The following ASIC5 variants were observed in gnomAD, a reference collection of about 807,000 sequenced individuals.
ASIC5 encodes bile acid-sensitive ion channel.
In ASIC5, 52 loss-of-function variants were observed where a neutral mutation model predicts 51.2. The ratio of observed to expected loss-of-function variants is 1.02; its 90% CI spans 0.81 to 1.28. ASIC5 has a LOEUF of 1.28. Ranked by LOEUF, ASIC5 falls within the 50% of genes most tolerant of loss-of-function variation. The pLI is 0.00. For synonymous variants in ASIC5, 231 were observed against 200.7 expected (o/e 1.15, Z -1.28); for missense variants, 635 against 595.0 (o/e 1.07, Z -0.70).
chr4:155,830,591 T>C (rs1740851471), intron 9 of ASIC5, among the ~76,000 whole-genome samples: 1 of 152,226 alleles, frequency 6.6e-6, no homozygotes, highest in South Asian at 2.1e-4. Flanking sequence ...TGGTAAAATA[T>C]ATATACCCTA....
rs1345449180 is a variant in ASIC5 at position 155,857,735 on chromosome 4, C to T, written c.348-3421G>A. Among the ~76,000 whole-genome samples, 3 of 151,968 alleles carry T rather than the reference C, an allele frequency of 2.0e-5. No homozygotes were observed. The East Asian group carries it at 5.8e-4, about 29-fold the overall frequency. On this transcript the variant is annotated intron_variant, in intron 2 of 9. Transcript: ENST00000537611. ...TTATTTGAGTCCTGCCAAAACAGAT[C>T]CATTTCTCGTACATTTTACAGATGA...
intron 6 of ASIC5, among the ~76,000 whole-genome samples, chr4:155,841,297 GAATACA>G (rs1439731067): frequency 6.6e-6 from 1 of 152,118 alleles, no homozygotes; most frequent in Admixed American, 6.6e-5. Flanking sequence ...TAAGAGACCT[GAATACA>G]AATATCTGAC....
chr4:155,842,972 T>G (rs1252297663), intron 5 of ASIC5, among the ~76,000 whole-genome samples: 2 of 152,114 alleles, frequency 1.3e-5, no homozygotes, highest in Non-Finnish European at 2.9e-5. Context: ...GCCAGGCTCC[T>G]CCCCACTGCA....
intron 8 of ASIC5, among the ~76,000 whole-genome samples, chr4:155,835,069 C>T (rs1740946882): frequency 6.6e-6 from 1 of 152,204 alleles, no homozygotes; most frequent in Non-Finnish European, 1.5e-5. Context: ...TAATCCAGTT[C>T]TTCTGGGACA....
intron 9 of ASIC5, 73 bp from the exon 10 acceptor site, chr4:155,830,119 G>T (rs891770270): frequency 1.9e-6 from 2 of 1,070,830 alleles, no homozygotes; most frequent in Non-Finnish European, 1.3e-6. Context: ...AGTTAAATTA[G>T]TTGAAGCAAA....
At chr4:155,830,123 A>G in intron 9 of ASIC5, 77 bp from the exon 10 acceptor site, 3 of 1,005,272 alleles carry the variant, frequency 3.0e-6, no homozygotes, top group Non-Finnish European at 4.3e-6. Flanking sequence ...AAATTAGTTG[A>G]AGCAAAATAG....
At chr4:155,859,910 A>C (rs1219027647) in intron 2 of ASIC5, among the ~76,000 whole-genome samples, 1 of 152,052 alleles carries the variant, frequency 6.6e-6, no homozygotes, top group African/African-American at 2.4e-5. Flanking sequence ...CTCCTTTAAA[A>C]ATTAATCAAA....
chr4:155,837,320 T>G (rs921435272), intron 7 of ASIC5, among the ~76,000 whole-genome samples: 1 of 152,202 alleles, frequency 6.6e-6, no homozygotes, highest in African/African-American at 2.4e-5. Flanking sequence ...AATGTGCTCC[T>G]GAGTATTTGC....
chr4:155,853,642 A>G (rs1420147741), intron 3 of ASIC5, among the ~76,000 whole-genome samples: 1 of 146,886 alleles, frequency 6.8e-6, no homozygotes, highest in African/African-American at 2.5e-5. Flanking sequence ...ATAATATATA[A>G]ATTTTTCATA....
At chr4:155,854,607 GTTAAAA>G in intron 2 of ASIC5, 1 of 383,970 alleles carries the variant, frequency 2.6e-6, no homozygotes, top group East Asian at 4.8e-5. Context: ...ATATATAGTT[GTTAAAA>G]ATGCATTTAG....
intron 4 of ASIC5, among the ~76,000 whole-genome samples, chr4:155,851,802 T>C (rs949525080): frequency 6.6e-6 from 1 of 152,026 alleles, no homozygotes; most frequent in African/African-American, 2.4e-5. Flanking sequence ...GTTTGTCAAA[T>C]GTGTATGTAG....
At chr4:155,866,142 G>C in intron 1 of ASIC5, 45 bp downstream of exon 1, 1 of 1,315,314 alleles carries the variant, frequency 7.6e-7, no homozygotes, top group Non-Finnish European at 1.1e-6. Flanking sequence ...CTGGCCTCTA[G>C]AAATGAAAAA....
At chr4:155,838,430 G>A (rs367716672) in intron 7 of ASIC5, among the ~76,000 whole-genome samples, 1 of 151,934 alleles carries the variant, frequency 6.6e-6, no homozygotes, top group Non-Finnish European at 1.5e-5. Flanking sequence ...AATGAATGAA[G>A]GACTATTCCC....
At position 155,842,292 on chromosome 4, in the gene ASIC5, GC is replaced by G; in HGVS notation, c.923del (p.Ser308ThrfsTer9). 1 of 1,613,446 alleles carries G rather than the reference GC, an allele frequency of 6.2e-7. No individual in the cohort carries two copies. Among genetic ancestry groups the G allele is most frequent in the South Asian group, 1.1e-5 (1 of 91,048 alleles). On this transcript the variant is annotated frameshift_variant, in exon 6 of 10. Transcript: ENST00000537611. LOFTEE classifies it high-confidence loss of function. ...TCAAGCAACCAGAAGTGCTGTAGCT[GC>G]TAAAATTCTGCAGCTTGATGTTAGG... ...CNPNIKLQNF[S>X]SYSTSGCLKE...
At chr4:155,859,650 A>T (rs1275292577) in intron 2 of ASIC5, among the ~76,000 whole-genome samples, 4 of 152,012 alleles carry the variant, frequency 2.6e-5, no homozygotes, top group Admixed American at 2.6e-4. Flanking sequence ...TTTCAAAAGA[A>T]TTAGAGAAAA....
chr4:155,837,656 A>G (rs1317134872), intron 7 of ASIC5, among the ~76,000 whole-genome samples: 1 of 151,958 alleles, frequency 6.6e-6, no homozygotes, highest in South Asian at 2.1e-4. Flanking sequence ...TCAGACTCTA[A>G]CTTTGACTTC....
intron 2 of ASIC5, among the ~76,000 whole-genome samples, chr4:155,861,685 G>C (rs1741710338): frequency 6.6e-6 from 1 of 151,966 alleles, no homozygotes; most frequent in African/African-American, 2.4e-5. Context: ...TAGTAATATA[G>C]TTAGATTTGC....
chr4:155,839,855 A>T (rs1016395403), intron 6 of ASIC5, among the ~76,000 whole-genome samples: 10 of 152,214 alleles, frequency 6.6e-5, no homozygotes, highest in Non-Finnish European at 1.3e-4. Flanking sequence ...TGGAACACAG[A>T]AAACAAAAAT....
At chr4:155,865,066 C>T (rs1741826375) in intron 1 of ASIC5, 1 of 151,878 alleles carries the variant, frequency 6.6e-6, no homozygotes, top group Non-Finnish European at 1.5e-5. Context: ...GCTTTTTATT[C>T]AGTTATAGGA....
Sources: gnomAD v4.1 joint callset for allele counts (sites outside exome capture counted in the v4.1 genomes callset) on GRCh38, gnomAD v4.1.1 for gene constraint, MANE v1.5 for transcripts, NCBI Gene and HGNC (gene_info 2026-07-23, HGNC 2026-07-21) for gene names.